The following ROBO1 variants were observed in gnomAD, a reference collection of about 807,000 sequenced individuals.
ROBO1 encodes roundabout guidance receptor 1.
Under a neutral mutation model 195.9 loss-of-function variants are expected in ROBO1, and 149 were observed. The observed-to-expected ratio is 0.76, with a 90% CI of 0.67 to 0.87. ROBO1 has a LOEUF of 0.87. ROBO1 is among the 40% of genes least tolerant of loss of function. The pLI is 0.00. For missense variants in ROBO1, 1,933 were observed against 2,068.3 expected (o/e 0.93, Z 1.27); for synonymous variants, 816 against 733.2 (o/e 1.11, Z -1.82).
intron 2 of ROBO1, among the ~76,000 whole-genome samples, chr3:79,558,299 C>T (rs550017435): frequency 1.7e-4 from 26 of 152,164 alleles, no homozygotes; most frequent in Admixed American, 1.2e-3. Context: ...AACGTAAAGA[C>T]GATGAAGGAA....
At chr3:79,572,733 T>C (rs1033579953) in intron 2 of ROBO1, among the ~76,000 whole-genome samples, 7 of 152,198 alleles carry the variant, frequency 4.6e-5, no homozygotes, top group Non-Finnish European at 8.8e-5. Flanking sequence ...GAAATTAATT[T>C]TTAAGCAAGA....
intron 3 of ROBO1, among the ~76,000 whole-genome samples, chr3:79,052,168 T>C (rs547131323): frequency 6.6e-6 from 1 of 152,132 alleles, no homozygotes. Flanking sequence ...TCTCAGCAAG[T>C]AATAGCCCTG....
chr3:79,387,927 A>T, intron 2 of ROBO1, among the ~76,000 whole-genome samples: 1 of 152,274 alleles, frequency 6.6e-6, no homozygotes, highest in South Asian at 2.1e-4. Context: ...TTGCAAATAA[A>T]TGCTATGTTC....
chr3:78,636,946 T>TATAC (rs1425882910), intron 22 of ROBO1, among the ~76,000 whole-genome samples: 1 of 103,360 alleles, frequency 9.7e-6, no homozygotes, highest in Non-Finnish European at 1.9e-5. Context: ...TATATATATA[T>TATAC]ATATATATAT....
chr3:78,626,848 A>G (rs1575798894), intron 26 of ROBO1, among the ~76,000 whole-genome samples: 1 of 152,146 alleles, frequency 6.6e-6, no homozygotes, highest in African/African-American at 2.4e-5. Context: ...TGAGGTCAAC[A>G]CAAAAAGACT....
intron 4 of ROBO1, among the ~76,000 whole-genome samples, chr3:78,882,275 G>C (rs563688395): frequency 2.6e-5 from 4 of 152,114 alleles, no homozygotes; most frequent in Non-Finnish European, 5.9e-5. Flanking sequence ...TGTAAAAGGC[G>C]TCAAGAAATT....
intron 4 of ROBO1, among the ~76,000 whole-genome samples, chr3:78,780,504 T>C (rs931484270): frequency 6.6e-6 from 1 of 152,090 alleles, no homozygotes; most frequent in Non-Finnish European, 1.5e-5. Flanking sequence ...TCTCCTGTCA[T>C]GTCCCCAAAC....
chr3:79,286,124 G>C (rs76696008), intron 2 of ROBO1, among the ~76,000 whole-genome samples: 1 of 152,054 alleles, frequency 6.6e-6, no homozygotes, highest in African/African-American at 2.4e-5. Context: ...CAATAAACAC[G>C]TCCCAAAGTA....
At chr3:79,552,726 A>T (rs959046123) in intron 2 of ROBO1, among the ~76,000 whole-genome samples, 1 of 152,118 alleles carries the variant, frequency 6.6e-6, no homozygotes, top group Non-Finnish European at 1.5e-5. Flanking sequence ...TATATAGGGA[A>T]TAAGAAGCAG....
At chr3:79,128,253 C>G (rs1411957093) in intron 2 of ROBO1, among the ~76,000 whole-genome samples, 1 of 152,114 alleles carries the variant, frequency 6.6e-6, no homozygotes, top group Admixed American at 6.6e-5. Flanking sequence ...GAAACAGGTT[C>G]AGCTGCAATT....
At chr3:78,780,894 T>G (rs1031928134) in intron 4 of ROBO1, among the ~76,000 whole-genome samples, 1 of 152,162 alleles carries the variant, frequency 6.6e-6, no homozygotes, top group Non-Finnish European at 1.5e-5. Flanking sequence ...CTTCTTTTTA[T>G]GTGGAATATT....
intron 8 of ROBO1, chr3:78,693,247 AT>A: frequency 6.8e-7 from 1 of 1,477,304 alleles, no homozygotes; most frequent in Non-Finnish European, 9.1e-7. Context: ...ATGGAGGCTG[AT>A]TGGTTGAAGG....
intron 1 of ROBO1, among the ~76,000 whole-genome samples, chr3:79,722,263 T>G (rs1463547792): frequency 6.6e-6 from 1 of 152,242 alleles, no homozygotes; most frequent in Non-Finnish European, 1.5e-5. Flanking sequence ...AAAACTGCAC[T>G]ATCAATTGAC....
intron 3 of ROBO1, among the ~76,000 whole-genome samples, chr3:79,072,302 A>G (rs994219575): frequency 1.4e-4 from 22 of 151,940 alleles, no homozygotes; most frequent in African/African-American, 5.3e-4. Context: ...TTCAGGTGAC[A>G]TACATGTTAG....
chr3:79,236,753 TGAGTA>T (rs1409104597), intron 2 of ROBO1, among the ~76,000 whole-genome samples: 3 of 152,258 alleles, frequency 2.0e-5, no homozygotes, highest in Admixed American at 6.5e-5. Context: ...CAAAAATAAT[TGAGTA>T]ATGTACATTT....
chr3:78,873,152 ACT>A (rs1368384516), intron 4 of ROBO1, among the ~76,000 whole-genome samples: 1 of 151,874 alleles, frequency 6.6e-6, no homozygotes, highest in Non-Finnish European at 1.5e-5. Flanking sequence ...AATATTGAAA[ACT>A]CACCTCTATA....
At chr3:78,968,857 T>G (rs2107895912) in intron 3 of ROBO1, among the ~76,000 whole-genome samples, 1 of 152,330 alleles carries the variant, frequency 6.6e-6, no homozygotes, top group Middle Eastern at 3.4e-3. Flanking sequence ...AAAGATGAAT[T>G]TTATAACAGG....
chr3:79,394,762 A>T (rs909975254), intron 2 of ROBO1, among the ~76,000 whole-genome samples: 2 of 152,140 alleles, frequency 1.3e-5, no homozygotes, highest in African/African-American at 4.8e-5. Flanking sequence ...GCCTTTAAGG[A>T]TGTAAATAGG....
chr3:79,489,069 T>C (rs1376830509), intron 2 of ROBO1, among the ~76,000 whole-genome samples: 1 of 151,230 alleles, frequency 6.6e-6, no homozygotes, highest in Non-Finnish European at 1.5e-5. Flanking sequence ...ATATTATTAG[T>C]GAATAAAAAA....
Sources: gnomAD v4.1 joint callset for allele counts (sites outside exome capture counted in the v4.1 genomes callset) on GRCh38, gnomAD v4.1.1 for gene constraint, MANE v1.5 for transcripts, NCBI Gene and HGNC (gene_info 2026-07-23, HGNC 2026-07-21) for gene names.